The following RBMS2 variants were observed in gnomAD, a reference collection of about 807,000 sequenced individuals.
The protein encoded by RBMS2 is RNA binding motif single stranded interacting protein 2, also known as RNA-binding motif, single-stranded-interacting protein 2.
RBMS2 carries 38 observed loss-of-function variants against 58.4 expected under a neutral mutation model. That is an observed-to-expected ratio of 0.65 (90% CI 0.50 to 0.85). RBMS2 has a LOEUF of 0.85. RBMS2 is among the 40% of genes least tolerant of loss of function. RBMS2 has a pLI of 0.00. For missense variants in RBMS2, 367 were observed against 503.7 expected (o/e 0.73, Z 2.60); for synonymous variants, 151 against 180.7 (o/e 0.84, Z 1.32).
chr12:56,537,526 C>T (rs1875139621), intron 1 of RBMS2, among the ~76,000 whole-genome samples: 1 of 152,186 alleles, frequency 6.6e-6, no homozygotes, highest in African/African-American at 2.4e-5. Flanking sequence ...TGTTTCCTTG[C>T]CTTTCACCCT....
chr12:56,587,281 A>G (rs77938145), intron 10 of RBMS2, among the ~76,000 whole-genome samples: 2 of 151,700 alleles, frequency 1.3e-5, no homozygotes, highest in African/African-American at 4.8e-5. Context: ...AAAAAAAAAA[A>G]GGCCTTTGAT....
Position 56,581,407 on chromosome 12 carries a change from G to T in RBMS2, c.631G>T (p.Asp211Tyr). Residue 211 changes from aspartate to tyrosine, a missense_variant, in exon 7 of 14, where the codon GAT becomes TAT. Transcript: ENST00000262031. ...KTPPGVPAPS[D>Y]PLLCKFADGG... ...GCCTTCTCTCTCGGCAGCCCCATCCGATCCCTTGCTTTGCAAATTTGCTGA... is the reference window on the plus strand; with the variant it reads ...GCCTTCTCTCTCGGCAGCCCCATCCTATCCCTTGCTTTGCAAATTTGCTGA... The T allele has an allele frequency of 6.2e-7, 1 of 1,614,188 alleles. No individual in the cohort carries two copies. The highest frequency in any genetic ancestry group is 8.5e-7 in the Non-Finnish European group (1 of 1,180,042).
At chr12:56,570,071 C>A in intron 4 of RBMS2, 81 bp downstream of exon 4, 1 of 1,321,772 alleles carries the variant, frequency 7.6e-7, no homozygotes, top group Non-Finnish European at 1.1e-6. Flanking sequence ...TTCCAGAGGG[C>A]TTAAGAACCA....
chr12:56,553,214 G>C lies in RBMS2; in HGVS notation c.67-9203G>C, dbSNP rs149839130. On this transcript the variant is annotated intron_variant, in intron 1 of 13. Transcript: ENST00000262031. ...TTACAGGCGTGAGCCACTGCACCCT[G>C]CCAGGAGTCTTTTTTGAGACAGAGT... Among the ~76,000 whole-genome samples the C allele has an allele frequency of 3.9e-3, 589 of 151,888 alleles. 1 individual carries two copies. The highest frequency in any genetic ancestry group is 0.014 in the African/African-American group (566 of 41,424).
At chr12:56,568,856 G>C in intron 2 of RBMS2, 119 bp from the exon 3 acceptor site, 1 of 851,108 alleles carries the variant, frequency 1.2e-6, no homozygotes. Context: ...TTTTATGAAG[G>C]TTTGAGTAGG....
intron 5 of RBMS2, chr12:56,572,752 C>A (rs1189404837): frequency 1.9e-5 from 19 of 983,444 alleles, no homozygotes; most frequent in South Asian, 1.4e-4. Context: ...GCTTTGAGAG[C>A]AGTAGGATGA....
In RBMS2 at chr12:56,581,251, C is replaced by A. The variant is rs765752056; in HGVS notation, c.610C>A (p.Pro204Thr). ...TAATGGAAAATATATTAAGACACCCCCTGGAGTACCAGGTGAGGCATCTGG... is the reference window on the plus strand; with the variant it reads ...TAATGGAAAATATATTAAGACACCCACTGGAGTACCAGGTGAGGCATCTGG... Reference protein sequence around the residue: ...HFNGKYIKTPPGVPAPSDPLL... With the variant: ...HFNGKYIKTPTGVPAPSDPLL... The change falls in exon 6 of 14, where the codon CCT (proline) becomes ACT (threonine). Residue 204 changes from proline to threonine, a missense_variant. Pro to Thr is a conservative substitution (Grantham distance 38, BLOSUM62 -1). Coordinates refer to ENST00000262031, the MANE Select transcript of RBMS2 (RefSeq NM_002898.4). 5 of 1,604,612 alleles carry A rather than the reference C, an allele frequency of 3.1e-6. No homozygotes were observed. The Admixed American group carries it at 5.0e-5, about 16-fold the overall frequency.
chr12:56,578,981 A>G (rs573519456), intron 5 of RBMS2, among the ~76,000 whole-genome samples: 1 of 152,196 alleles, frequency 6.6e-6, no homozygotes, highest in East Asian at 1.9e-4. Flanking sequence ...AAACAAAAAA[A>G]TCCTTCTGAA....
At chr12:56,551,274 G>T (rs1210070653) in intron 1 of RBMS2, among the ~76,000 whole-genome samples, 1 of 152,168 alleles carries the variant, frequency 6.6e-6, no homozygotes, top group African/African-American at 2.4e-5. Flanking sequence ...TCATGAGGTG[G>T]AATGGCGGAA....
At position 56,587,545 on chromosome 12, in the gene RBMS2, T is replaced by G; in HGVS notation, c.952-9T>G. On this transcript the variant is annotated splice_polypyrimidine_tract_variant and intron_variant, in intron 10 of 13. Transcript: ENST00000262031. ...TGCAGCTAACCCTGTCCTTTGTTGCTGCCTCTAGGGTTCAGTTCTGACACC... is the reference window on the plus strand; with the variant it reads ...TGCAGCTAACCCTGTCCTTTGTTGCGGCCTCTAGGGTTCAGTTCTGACACC... The G allele has an allele frequency of 6.2e-7, 1 of 1,612,792 alleles. No individual in the cohort carries two copies. The highest frequency in any genetic ancestry group is 8.5e-7 in the Non-Finnish European group (1 of 1,179,232).
At chr12:56,542,467 G>C (rs1018421913) in intron 1 of RBMS2, among the ~76,000 whole-genome samples, 1 of 149,466 alleles carries the variant, frequency 6.7e-6, no homozygotes, top group African/African-American at 2.5e-5. Context: ...TTAAAGTATG[G>C]GTTTTTTTTT....
chr12:56,561,253 T>A (rs539191259), intron 1 of RBMS2, among the ~76,000 whole-genome samples: 45 of 152,276 alleles, frequency 3.0e-4, no homozygotes, highest in African/African-American at 1.1e-3. Context: ...TATGATAGAA[T>A]GATTTCTATT....
At chr12:56,557,523 G>A (rs1446966620) in intron 1 of RBMS2, among the ~76,000 whole-genome samples, 2 of 152,068 alleles carry the variant, frequency 1.3e-5, no homozygotes, top group Middle Eastern at 3.2e-3. Flanking sequence ...CTGATGAGAG[G>A]GACCAGTCCC....
At chr12:56,538,050 G>C (rs1875269332) in intron 1 of RBMS2, among the ~76,000 whole-genome samples, 1 of 146,268 alleles carries the variant, frequency 6.8e-6, no homozygotes, top group Admixed American at 7.0e-5. Context: ...TTATTTATTT[G>C]AGACAGAGTT....
chr12:56,585,168 G>A (rs766889178), intron 9 of RBMS2, among the ~76,000 whole-genome samples: 27 of 151,324 alleles, frequency 1.8e-4, no homozygotes, highest in Non-Finnish European at 3.2e-4. Flanking sequence ...TCTCTATACT[G>A]TGTATCTGGT....
At chr12:56,584,881 T>C (rs1450664985) in intron 9 of RBMS2, among the ~76,000 whole-genome samples, 1 of 148,750 alleles carries the variant, frequency 6.7e-6, no homozygotes. Flanking sequence ...TGGAGTACAA[T>C]GGACCAATCT....
intron 1 of RBMS2, among the ~76,000 whole-genome samples, chr12:56,540,390 G>A (rs1875852256): frequency 6.6e-6 from 1 of 151,938 alleles, no homozygotes; most frequent in African/African-American, 2.4e-5. Flanking sequence ...TTTATTTATT[G>A]CAAAAGGGGA....
At chr12:56,547,283 A>C (rs1209978743) in intron 1 of RBMS2, among the ~76,000 whole-genome samples, 1 of 152,024 alleles carries the variant, frequency 6.6e-6, no homozygotes, top group Non-Finnish European at 1.5e-5. Context: ...TGAACCTGGG[A>C]GGCAGAGGTT....
At chr12:56,534,827 GAC>G in intron 1 of RBMS2, among the ~76,000 whole-genome samples, 1 of 152,158 alleles carries the variant, frequency 6.6e-6, no homozygotes, top group Non-Finnish European at 1.5e-5. Context: ...ATTTTTAGTA[GAC>G]ACAGATTTTC....
Sources: allele counts gnomAD v4.1 joint callset (sites outside exome capture counted in the v4.1 genomes callset), GRCh38; gene constraint gnomAD v4.1.1; transcripts MANE v1.5; gene names NCBI Gene and HGNC (gene_info 2026-07-23, HGNC 2026-07-21).